Variants in GRIK2 observed in about 807,000 individuals in gnomAD.
The protein encoded by GRIK2 is glutamate ionotropic receptor kainate type subunit 2.
Under a neutral mutation model 100.3 loss-of-function variants are expected in GRIK2, and 32 were observed. The observed-to-expected ratio is 0.32, with a 90% CI of 0.24 to 0.43. GRIK2 has a LOEUF of 0.43. Among genes scored for constraint, GRIK2 ranks in the 20% least tolerant of loss-of-function variants. The probability of loss-of-function intolerance (pLI) is 1.00; values close to 1 mark genes in which losing one functional copy is unlikely to be tolerated. For missense variants in GRIK2, 843 were observed against 1,114.9 expected (o/e 0.76, Z 3.47); for synonymous variants, 417 against 389.4 (o/e 1.07, Z -0.83).
At chr6:101,651,555 T>C (rs1386014710) in intron 4 of GRIK2, among the ~76,000 whole-genome samples, 1 of 152,076 alleles carries the variant, frequency 6.6e-6, no homozygotes, top group Non-Finnish European at 1.5e-5. Context: ...AATAGAGCAA[T>C]GCAAGAGGAA....
At chr6:101,756,865 A>T (rs1291256782) in intron 7 of GRIK2, among the ~76,000 whole-genome samples, 1 of 152,188 alleles carries the variant, frequency 6.6e-6, no homozygotes, top group African/African-American at 2.4e-5. Context: ...GAAGTTTGAT[A>T]AAAAATTTGG....
chr6:101,651,525 C>T (rs1487067644), intron 4 of GRIK2, among the ~76,000 whole-genome samples: 1 of 151,746 alleles, frequency 6.6e-6, no homozygotes, highest in African/African-American at 2.4e-5. Flanking sequence ...TGTTAGAAGG[C>T]GATAAGTGCA....
rs7767497 is a variant in GRIK2, at chr6:101,819,732, A to G, written c.1317+1249A>G. 1.1e-3 allele frequency among the ~76,000 whole-genome samples: 173 copies of G among 152,244 alleles called. 1 individual carries two copies. In the Middle Eastern group the frequency reaches 0.017, roughly 15 times the overall value. On this transcript the variant is annotated intron_variant, in intron 10 of 16. Coordinates refer to ENST00000369134, the MANE Select transcript of GRIK2 (RefSeq NM_021956.5). ...GATCTCATTACTTCCTGTTGGGACT[A>G]TTGCAGTAGCCACGTAACTATTTCT... is the stretch of plus-strand genomic sequence containing the variant.
chr6:101,726,754 C>G (rs1554254375), intron 7 of GRIK2, among the ~76,000 whole-genome samples: 4 of 151,942 alleles, frequency 2.6e-5, no homozygotes, highest in Non-Finnish European at 5.9e-5. Flanking sequence ...AATTACGTGT[C>G]TTTTATACAC....
At chr6:101,682,321 T>C (rs1383703132) in intron 5 of GRIK2, among the ~76,000 whole-genome samples, 1 of 152,230 alleles carries the variant, frequency 6.6e-6, no homozygotes, top group Non-Finnish European at 1.5e-5. Flanking sequence ...AGCTTTACAA[T>C]TGCAAACATT....
intron 5 of GRIK2, among the ~76,000 whole-genome samples, chr6:101,679,920 A>G (rs60768566): frequency 0.096 from 14,598 of 152,102 alleles, 2,311 homozygotes; most frequent in African/African-American, 0.33. Context: ...TTGTATTTTT[A>G]GTAGAGACAG....
intron 2 of GRIK2, among the ~76,000 whole-genome samples, chr6:101,509,030 C>A (rs531057698): frequency 1.3e-5 from 2 of 151,902 alleles, no homozygotes; most frequent in African/African-American, 4.8e-5. Flanking sequence ...TGGGGGCGGG[C>A]ACCTGTAGTC....
At chr6:101,685,702 C>T (rs1771627525) in intron 6 of GRIK2, among the ~76,000 whole-genome samples, 1 of 151,920 alleles carries the variant, frequency 6.6e-6, no homozygotes, top group South Asian at 2.1e-4. Context: ...TTTTTCACAC[C>T]TTTCATACAG....
At chr6:101,824,523 G>A (rs1217175919) in intron 10 of GRIK2, among the ~76,000 whole-genome samples, 1 of 152,116 alleles carries the variant, frequency 6.6e-6, no homozygotes, top group Non-Finnish European at 1.5e-5. Flanking sequence ...ACTATGTTGA[G>A]TGTTTCTCAT....
In GRIK2 at chr6:101,896,380, T is replaced by C. The variant is rs150080173; in HGVS notation, c.1748+6517T>C. ...TTAAATTATGCCAGACATTTACAGG[T>C]GTAAAAGATTTGAGAAAAAATTGAG... On this transcript the variant is annotated intron_variant, in intron 12 of 16. Coordinates refer to ENST00000369134, the MANE Select transcript of GRIK2 (RefSeq NM_021956.5). 7.9e-3 allele frequency among the ~76,000 whole-genome samples: 1,204 copies of C among 151,882 alleles called. 21 individuals carry two copies. The highest frequency in any genetic ancestry group is 0.027 in the African/African-American group (1,140 of 41,530).
chr6:101,700,325 T>C (rs1427785243), intron 7 of GRIK2, among the ~76,000 whole-genome samples: 1 of 150,240 alleles, frequency 6.7e-6, no homozygotes, highest in African/African-American at 2.5e-5. Flanking sequence ...TTTGATGTTA[T>C]TGGAAAAGGA....
chr6:101,572,786 G>T (rs1424576356), intron 2 of GRIK2, among the ~76,000 whole-genome samples: 1 of 143,142 alleles, frequency 7.0e-6, no homozygotes, highest in African/African-American at 2.6e-5. Flanking sequence ...TCACTTTAAG[G>T]TGTTTTGTTG....
rs561719639 is a variant in GRIK2 at position 101,793,535 on chromosome 6, C to T, written c.952-6113C>T. Among the ~76,000 whole-genome samples, 18 of 152,142 alleles carry T rather than the reference C, an allele frequency of 1.2e-4. No individual in the cohort carries two copies. In the East Asian group the frequency reaches 1.8e-3, roughly 15 times the overall value. ...TGCAGAACTGCAGATTTTCTTGTAC[C>T]GCGAATGCTGCTGTCTGATCGTTCC... On this transcript the variant is annotated intron_variant, in intron 7 of 16. Transcript: ENST00000369134.
intron 4 of GRIK2, among the ~76,000 whole-genome samples, chr6:101,632,017 T>C (rs1582861004): frequency 6.6e-6 from 1 of 152,102 alleles, no homozygotes; most frequent in East Asian, 1.9e-4. Flanking sequence ...AGTAGACACC[T>C]TTTAGTTGTT....
rs556178819 is a variant in GRIK2, at chr6:101,450,450, T to G, written c.115+51058T>G. Among the ~76,000 whole-genome samples, 4 of 151,812 alleles carry G rather than the reference T, an allele frequency of 2.6e-5. No homozygotes were observed. The South Asian group carries it at 8.3e-4, about 31-fold the overall frequency. On this transcript the variant is annotated intron_variant, in intron 2 of 16. Coordinates refer to ENST00000369134, the MANE Select transcript of GRIK2 (RefSeq NM_021956.5). ...TGGCAGATTGAAAGTCACTGAACAT[T>G]CCAGAAATTTGGAAGTCTCAAGACC...
chr6:102,006,390 A>ATATTT (rs1315524835), intron 14 of GRIK2, among the ~76,000 whole-genome samples: 2,444 of 113,986 alleles, frequency 0.021, 40 homozygotes, highest in Middle Eastern at 0.04. Flanking sequence ...ATATATATAT[A>ATATTT]TTTTTTTTTT....
intron 7 of GRIK2, among the ~76,000 whole-genome samples, chr6:101,763,100 A>G (rs1395987633): frequency 6.6e-6 from 1 of 152,190 alleles, no homozygotes; most frequent in Non-Finnish European, 1.5e-5. Flanking sequence ...TAATGTTTCA[A>G]AGAACATCAA....
At chr6:101,671,731 G>A (rs1390283413) in intron 4 of GRIK2, among the ~76,000 whole-genome samples, 6 of 152,152 alleles carry the variant, frequency 3.9e-5, no homozygotes, top group South Asian at 2.1e-4. Context: ...GGGTGTGATG[G>A]TGGGCACCTG....
At chr6:102,028,006 T>A (rs1410801922) in intron 14 of GRIK2, among the ~76,000 whole-genome samples, 1 of 151,106 alleles carries the variant, frequency 6.6e-6, no homozygotes, top group African/African-American at 2.4e-5. Flanking sequence ...ACACTGATAT[T>A]TTACCAGTTC....
Sources: gnomAD v4.1 joint callset for allele counts (sites outside exome capture counted in the v4.1 genomes callset) on GRCh38, gnomAD v4.1.1 for gene constraint, MANE v1.5 for transcripts, NCBI Gene and HGNC (gene_info 2026-07-23, HGNC 2026-07-21) for gene names.